KCNH8: variants seen among roughly 807,000 people sequenced by gnomAD.
The protein encoded by KCNH8 is potassium voltage-gated channel subfamily H member 8, also known as voltage-gated delayed rectifier potassium channel KCNH8.
A neutral mutation model predicts 103.6 loss-of-function variants in KCNH8; 70 were observed. The observed-to-expected ratio is 0.68, with a 90% confidence interval of 0.56 to 0.82. KCNH8 has a LOEUF of 0.82. KCNH8 is among the 40% of genes least tolerant of loss of function. The pLI, the probability that KCNH8 is intolerant of heterozygous loss-of-function variation, is 0.00. For synonymous variants in KCNH8, 498 were observed against 489.4 expected, an observed-to-expected ratio of 1.02 and a Z score of -0.23; for missense variants, 1,217 against 1,329.9, an observed-to-expected ratio of 0.92 and a Z score of 1.32.
At chr3:19,417,341 G>C (rs2066879722) in intron 7 of KCNH8, among the ~76,000 whole-genome samples, 2 of 151,268 alleles carry the variant, frequency 1.3e-5, no homozygotes, top group African/African-American at 4.9e-5. Flanking sequence ...TGAAATAATA[G>C]AGCCTAAATT....
chr3:19,313,767 G>T (rs1040480417), intron 3 of KCNH8, among the ~76,000 whole-genome samples: 2 of 151,324 alleles, frequency 1.3e-5, no homozygotes, highest in Non-Finnish European at 2.9e-5. Context: ...TCATGCATAA[G>T]ATTATAGATG....
chr3:19,205,595 T>C (rs2125220991), intron 1 of KCNH8, among the ~76,000 whole-genome samples: 1 of 152,098 alleles, frequency 6.6e-6, no homozygotes, highest in Middle Eastern at 3.4e-3. Context: ...AATTTTCTGA[T>C]AGAAACATGC....
At chr3:19,519,188 G>T (rs1339737459) in intron 15 of KCNH8, among the ~76,000 whole-genome samples, 2 of 151,928 alleles carry the variant, frequency 1.3e-5, no homozygotes, top group Non-Finnish European at 2.9e-5. Flanking sequence ...CAAAACCTGT[G>T]CCTATCTTTG....
chr3:19,325,656 A>C (rs2065412706), intron 3 of KCNH8, among the ~76,000 whole-genome samples: 1 of 152,218 alleles, frequency 6.6e-6, no homozygotes, highest in Admixed American at 6.5e-5. Context: ...CAACAGTCAG[A>C]ATGGCCACTG....
chr3:19,416,024 G>T, intron 7 of KCNH8, among the ~76,000 whole-genome samples: 1 of 151,874 alleles, frequency 6.6e-6, no homozygotes, highest in East Asian at 1.9e-4. Flanking sequence ...TAACTTGCAG[G>T]TTATCTTCTT....
chr3:19,450,876 G>A (rs1487039881), intron 9 of KCNH8: 7 of 392,744 alleles, frequency 1.8e-5, no homozygotes, highest in Non-Finnish European at 3.3e-5. Context: ...AGGACTCTCT[G>A]TGAGAAGGAA....
intron 1 of KCNH8, among the ~76,000 whole-genome samples, chr3:19,246,984 T>C (rs1421031633): frequency 1.3e-5 from 2 of 152,208 alleles, no homozygotes; most frequent in Admixed American, 1.3e-4. Flanking sequence ...TTCTGCTTTC[T>C]ACTACTACCT....
intron 11 of KCNH8, among the ~76,000 whole-genome samples, chr3:19,503,694 C>T (rs1480974270): frequency 3.1e-4 from 47 of 150,252 alleles, no homozygotes; most frequent in Non-Finnish European, 5.9e-4. Flanking sequence ...AACCAAACAC[C>T]GCATATTCTC....
At chr3:19,376,602 T>C (rs1225478265) in intron 5 of KCNH8, among the ~76,000 whole-genome samples, 2 of 152,248 alleles carry the variant, frequency 1.3e-5, no homozygotes, top group Non-Finnish European at 2.9e-5. Flanking sequence ...GCTGTTCCTA[T>C]TCGGCCATCT....
chr3:19,401,779 T>G (rs2066616709), intron 7 of KCNH8, among the ~76,000 whole-genome samples: 1 of 151,962 alleles, frequency 6.6e-6, no homozygotes, highest in African/African-American at 2.4e-5. Context: ...CAGTCTGATC[T>G]CGTATTTAAA....
chr3:19,177,042 C>T (rs1376445027), intron 1 of KCNH8, among the ~76,000 whole-genome samples: 2 of 152,072 alleles, frequency 1.3e-5, no homozygotes, highest in Non-Finnish European at 2.9e-5. Flanking sequence ...TGTGTTTTCT[C>T]CATAAGTCAC....
intron 8 of KCNH8, chr3:19,448,786 CAG>C (rs2067400058): frequency 8.6e-6 from 2 of 232,874 alleles, no homozygotes; most frequent in Non-Finnish European, 1.8e-5. Context: ...ATTACTGAAA[CAG>C]ATGATTTTAC....
intron 11 of KCNH8, among the ~76,000 whole-genome samples, chr3:19,509,009 G>C (rs192552270): frequency 3.0e-4 from 46 of 152,218 alleles, no homozygotes; most frequent in Non-Finnish European, 2.9e-5. Context: ...ATAAATGAAA[G>C]GCTTTTTACA....
In KCNH8 at chr3:19,253,765, A is replaced by G. The variant is rs887578385; in HGVS notation, c.188A>G (p.Lys63Arg). Reference sequence around the variant, plus strand: ...TTTGCCCGAACTGAAGTCATGCAGAAGAGTTGTAGCTGCAAGTTCTTATTT... The same window carrying G: ...TTTGCCCGAACTGAAGTCATGCAGAGGAGTTGTAGCTGCAAGTTCTTATTT... ...AGFARTEVMQ[K>R]SCSCKFLFGV... is the part of the protein sequence containing the mutation. Residue 63 changes from lysine (K) to arginine (R), a missense_variant, in exon 2 of 16, where the codon AAG (lysine) becomes AGG (arginine). By Grantham distance (26) the Lys-to-Arg change is conservative (BLOSUM62 2). Coordinates refer to ENST00000328405, the MANE Select transcript of KCNH8 (RefSeq NM_144633.3). 2 of 1,613,770 alleles carry G rather than the reference A, an allele frequency of 1.2e-6. No individual in the cohort carries two copies. The highest frequency in any genetic ancestry group is 2.7e-5 in the African/African-American group (2 of 74,860).
At chr3:19,271,331 G>C (rs1261212442) in intron 2 of KCNH8, among the ~76,000 whole-genome samples, 1 of 151,834 alleles carries the variant, frequency 6.6e-6, no homozygotes, top group Admixed American at 6.6e-5. Flanking sequence ...TTTTTAACTC[G>C]AGCAATCTGA....
intron 8 of KCNH8, among the ~76,000 whole-genome samples, chr3:19,444,162 A>G (rs1214660248): frequency 6.6e-6 from 1 of 152,066 alleles, no homozygotes; most frequent in East Asian, 1.9e-4. Context: ...AGTAATTAAG[A>G]GTGTATGGTG....
At chr3:19,497,782 T>C (rs888759962) in intron 11 of KCNH8, among the ~76,000 whole-genome samples, 3 of 152,154 alleles carry the variant, frequency 2.0e-5, no homozygotes, top group Admixed American at 1.3e-4. Context: ...AATTCAGGTC[T>C]TCAATATCTT....
In KCNH8 at chr3:19,438,241, A is replaced by G; in HGVS notation, c.1255A>G (p.Ser419Gly). 1 of 1,614,098 alleles carries G rather than the reference A, an allele frequency of 6.2e-7. No individual in the cohort carries two copies. The highest frequency in any genetic ancestry group is 8.5e-7 in the Non-Finnish European group (1 of 1,180,012). ...NNTLGGPSIR[S>G]AYIAALYFTL... ...TACCTTGGGGGGCCCGTCGATCCGA[A>G]GTGCCTATATTGCCGCTCTGTACTT... The change falls in exon 8 of 16, where the codon AGT becomes GGT. Residue 419 changes from serine (S) to glycine (G), a missense_variant. This residue lies in a region of KCNH8 where 415 missense variants were observed against 577.4 expected (regional missense o/e 0.72). Coordinates refer to ENST00000328405, the MANE Select transcript of KCNH8 (RefSeq NM_144633.3).
chr3:19,302,697 T>A (rs2065078494), intron 3 of KCNH8, among the ~76,000 whole-genome samples: 1 of 152,216 alleles, frequency 6.6e-6, no homozygotes, highest in Non-Finnish European at 1.5e-5. Flanking sequence ...TACAGGCTTT[T>A]CTGCTTCCTA....
Sources: allele counts gnomAD v4.1 joint callset (sites outside exome capture counted in the v4.1 genomes callset), GRCh38; gene constraint gnomAD v4.1.1; regional missense constraint gnomAD v4.1.1; transcripts MANE v1.5; gene names NCBI Gene and HGNC (gene_info 2026-07-23, HGNC 2026-07-21).